RAB3GAP1: variants seen among roughly 807,000 people sequenced by gnomAD.
RAB3GAP1 encodes rab3 GTPase-activating protein catalytic subunit.
RAB3GAP1 carries 86 observed loss-of-function variants against 130.7 expected under a neutral mutation model. The observed-to-expected ratio is 0.66, with a 90% confidence interval of 0.55 to 0.79. RAB3GAP1 has a LOEUF of 0.79. Among genes scored for constraint, RAB3GAP1 ranks in the 30% least tolerant of loss-of-function variants. The pLI is 0.00. For synonymous variants in RAB3GAP1, 367 were observed against 401.7 expected (o/e 0.91, Z 1.03); for missense variants, 1,029 against 1,169.4 (o/e 0.88, Z 1.75).
intron 5 of RAB3GAP1, among the ~76,000 whole-genome samples, chr2:135,107,799 C>T (rs935671618): frequency 2.0e-5 from 3 of 151,394 alleles, no homozygotes; most frequent in Admixed American, 6.6e-5. Context: ...ATGGTGAAAC[C>T]CCGTCTCTAC....
intron 3 of RAB3GAP1, among the ~76,000 whole-genome samples, chr2:135,070,570 C>G (rs777684623): frequency 3.3e-5 from 5 of 152,082 alleles, no homozygotes; most frequent in Non-Finnish European, 5.9e-5. Context: ...TGCAGTGGCG[C>G]AATCTCGGCT....
At chr2:135,163,149 A>C in intron 22 of RAB3GAP1, 48 bp downstream of exon 22, 1 of 1,305,978 alleles carries the variant, frequency 7.7e-7, no homozygotes, top group Non-Finnish European at 1.1e-6. Flanking sequence ...AGGAAAAGCC[A>C]CCACTCTCTT....
Position 135,055,900 on chromosome 2 carries a change from G to A in RAB3GAP1, c.75-2111G>A, listed in dbSNP as rs1004667945. Among the ~76,000 whole-genome samples, 26 of 150,868 alleles carry A rather than the reference G, an allele frequency of 1.7e-4. 1 individual carries two copies. Among genetic ancestry groups the A allele is most frequent in the African/African-American group, 5.6e-4 (23 of 41,072 alleles). The stretch of plus-strand genomic sequence containing the variant: ...CGCCCAGGCTGGAGTGCAGTGGCGC[G>A]ATCTCGGCTCACTGCAAGCTCTGCC... On this transcript the variant is annotated intron_variant, in intron 2 of 23. Transcript: ENST00000264158.
At chr2:135,069,407 G>T (rs1349197719) in intron 3 of RAB3GAP1, among the ~76,000 whole-genome samples, 1 of 151,862 alleles carries the variant, frequency 6.6e-6, no homozygotes, top group East Asian at 1.9e-4. Context: ...ACCATTTTCT[G>T]TACTTTTTTT....
chr2:135,139,737 A>G (rs1226368048), intron 17 of RAB3GAP1, among the ~76,000 whole-genome samples: 1 of 152,100 alleles, frequency 6.6e-6, no homozygotes, highest in East Asian at 1.9e-4. Flanking sequence ...TTCCCATTCA[A>G]TACAATAGCC....
At chr2:135,137,042 A>G (rs1284875703) in intron 17 of RAB3GAP1, 2 of 246,360 alleles carry the variant, frequency 8.1e-6, no homozygotes, top group African/African-American at 4.6e-5. Flanking sequence ...CTGAGCTTTG[A>G]TGACACCACT....
At chr2:135,145,610 C>T (rs1239425216) in intron 17 of RAB3GAP1, among the ~76,000 whole-genome samples, 1 of 152,110 alleles carries the variant, frequency 6.6e-6, no homozygotes, top group African/African-American at 2.4e-5. Flanking sequence ...TTTAATCTTT[C>T]TTTGCCTTAG....
At chr2:135,145,045 A>G (rs1299946086) in intron 17 of RAB3GAP1, among the ~76,000 whole-genome samples, 2 of 152,168 alleles carry the variant, frequency 1.3e-5, no homozygotes, top group Non-Finnish European at 2.9e-5. Flanking sequence ...GTTTTGCTTA[A>G]TATTTTTGGT....
intron 5 of RAB3GAP1, among the ~76,000 whole-genome samples, chr2:135,097,404 T>A (rs1163274462): frequency 2.6e-5 from 4 of 151,960 alleles, no homozygotes; most frequent in Non-Finnish European, 5.9e-5. Flanking sequence ...TATTTTTTGT[T>A]GAGACAGTGT....
intron 5 of RAB3GAP1, among the ~76,000 whole-genome samples, chr2:135,105,379 G>A (rs979238887): frequency 6.6e-6 from 1 of 151,920 alleles, no homozygotes; most frequent in African/African-American, 2.4e-5. Flanking sequence ...TTGCAGGCAC[G>A]TGCCACCACG....
At chr2:135,105,847 CCGT>C (rs1308160905) in intron 5 of RAB3GAP1, among the ~76,000 whole-genome samples, 4 of 151,746 alleles carry the variant, frequency 2.6e-5, no homozygotes, top group Admixed American at 2.6e-4. Flanking sequence ...CCCCGCCGCC[CCGT>C]CTGGGATGTG....
At chr2:135,133,795 T>A (rs1175316277) in intron 14 of RAB3GAP1, 66 bp from the exon 15 acceptor site, 2 of 1,432,038 alleles carry the variant, frequency 1.4e-6, no homozygotes, top group African/African-American at 2.8e-5. Flanking sequence ...CCCTACGACC[T>A]TTTCAGTTAT....
chr2:135,122,152 TA>T (rs1393353964), intron 8 of RAB3GAP1, among the ~76,000 whole-genome samples: 3 of 152,060 alleles, frequency 2.0e-5, no homozygotes, highest in African/African-American at 7.3e-5. Flanking sequence ...TTATATGTAC[TA>T]CTACTATTTT....
At chr2:135,106,269 C>T (rs1690615174) in intron 5 of RAB3GAP1, among the ~76,000 whole-genome samples, 1 of 152,186 alleles carries the variant, frequency 6.6e-6, no homozygotes, top group Non-Finnish European at 1.5e-5. Context: ...CCCAACAGCT[C>T]ATTGAGAACG....
rs149924276 is a variant in RAB3GAP1, at chr2:135,160,327, A to G, written c.2290-2228A>G. On this transcript the variant is annotated intron_variant, in intron 19 of 23. Transcript: ENST00000264158. Reference sequence around the variant, plus strand: ...TAAAGAGCTATGATAACTAAAGGCAATGGATGATCCTTACCAAGACTTGTA... The same window carrying G: ...TAAAGAGCTATGATAACTAAAGGCAGTGGATGATCCTTACCAAGACTTGTA... 4.9e-4 allele frequency among the ~76,000 whole-genome samples: 75 copies of G among 152,292 alleles called. 1 individual carries two copies. The East Asian group carries it at 0.011, about 22-fold the overall frequency.
rs567892618 is a variant in RAB3GAP1 at position 135,106,441 on chromosome 2, A to G, written c.363-6710A>G. Among the ~76,000 whole-genome samples the G allele has an allele frequency of 9.0e-4, 137 of 152,324 alleles. 1 individual carries two copies. The highest frequency in any genetic ancestry group is 3.0e-3 in the African/African-American group (123 of 41,576). On this transcript the variant is annotated intron_variant, in intron 5 of 23. Transcript: ENST00000264158. ...AATTCTTCTGCCTTGGGATGCTGTT[A>G]ATCTATAACCTTACCCCCAACCCGT...
intron 20 of RAB3GAP1, 22 bp downstream of exon 20, chr2:135,162,673 T>G (rs958350089): frequency 1.9e-6 from 3 of 1,605,414 alleles, no homozygotes; most frequent in Middle Eastern, 1.6e-4. Flanking sequence ...ATTTAACTAG[T>G]CATTAGTCAT....
intron 17 of RAB3GAP1, among the ~76,000 whole-genome samples, chr2:135,144,766 A>G (rs987595727): frequency 6.6e-6 from 1 of 151,848 alleles, no homozygotes; most frequent in Non-Finnish European, 1.5e-5. Context: ...GTTTTGGGGG[A>G]TTTATCACAC....
downstream of RAB3GAP1, among the ~76,000 whole-genome samples, chr2:135,171,559 C>T (rs1013756992): frequency 5.9e-5 from 9 of 152,158 alleles, no homozygotes; most frequent in Non-Finnish European, 1.3e-4. Flanking sequence ...CCCATACATT[C>T]CTATACCACT....
Sources: gnomAD v4.1 joint callset for allele counts (sites outside exome capture counted in the v4.1 genomes callset) on GRCh38, gnomAD v4.1.1 for gene constraint, MANE v1.5 for transcripts, NCBI Gene and HGNC (gene_info 2026-07-23, HGNC 2026-07-21) for gene names.